ATXN2: variants seen among roughly 807,000 people sequenced by gnomAD.
ATXN2 encodes the protein ataxin 2.
ATXN2 carries 37 observed loss-of-function variants against 138.6 expected under a neutral mutation model. The ratio of observed to expected loss-of-function variants is 0.27; its 90% CI spans 0.21 to 0.35. The LOEUF (loss-of-function observed/expected upper bound fraction) is 0.35, where lower values mean the gene tolerates loss of function less well. ATXN2 is among the 10% of genes least tolerant of loss of function. ATXN2 has a pLI of 1.00. For synonymous variants in ATXN2, 549 were observed against 543.7 expected (o/e 1.01, Z -0.13); for missense variants, 1,216 against 1,480.3 (o/e 0.82, Z 2.93).
Position 111,461,795 on chromosome 12 carries a change from C to T in ATXN2, c.2896+2867G>A, listed in dbSNP as rs558241075. On this transcript the variant is annotated intron_variant, in intron 21 of 24. Coordinates refer to ENST00000673436, the MANE Select transcript of ATXN2 (RefSeq NM_001372574.1). ...AAAATTAGCTGGGTGTGGCAGCAGG[C>T]GCCTGTAATCCCAGCTACTCTGGAA... Among the ~76,000 whole-genome samples the T allele has an allele frequency of 1.1e-3, 163 of 151,886 alleles. 1 individual carries two copies. The highest frequency in any genetic ancestry group is 3.7e-3 in the African/African-American group (154 of 41,438).
chr12:111,580,260 C>T (rs771616321), intron 1 of ATXN2, among the ~76,000 whole-genome samples: 15 of 151,952 alleles, frequency 9.9e-5, no homozygotes, highest in Non-Finnish European at 1.9e-4. Context: ...GCAAGAGTTT[C>T]ACTTGAGCCC....
At chr12:111,459,856 C>G (rs1351345678) in intron 21 of ATXN2, among the ~76,000 whole-genome samples, 3 of 150,622 alleles carry the variant, frequency 2.0e-5, no homozygotes, top group Non-Finnish European at 4.4e-5. Context: ...CTGCTTCAGC[C>G]TCTGAGTAGC....
chr12:111,518,990 C>G (rs1880007809), intron 8 of ATXN2, among the ~76,000 whole-genome samples: 1 of 152,104 alleles, frequency 6.6e-6, no homozygotes, highest in South Asian at 2.1e-4. Flanking sequence ...AAATGAAAGA[C>G]CCACAAGCCC....
At position 111,510,594 on chromosome 12, in the gene ATXN2, G is replaced by A. The variant is rs1229321067; in HGVS notation, c.1559-12C>T. On this transcript the variant is annotated splice_polypyrimidine_tract_variant and intron_variant, in intron 11 of 24. Transcript: ENST00000673436. ...GGATAATCTTGGAACTAGAAGAAAG[G>A]GAAAATGTATTTATTACATTCTCAG... 1.9e-6 allele frequency: 3 copies of A among 1,587,128 alleles called. No individual in the cohort carries two copies. Among genetic ancestry groups the A allele is most frequent in the African/African-American group, 2.7e-5 (2 of 74,020 alleles).
intron 1 of ATXN2, among the ~76,000 whole-genome samples, chr12:111,592,874 TA>T (rs111981578): frequency 0.1 from 14,712 of 140,694 alleles, 2,466 homozygotes; most frequent in African/African-American, 0.35. Flanking sequence ...TTGAAATAGC[TA>T]AAAAAAAAAA....
chr12:111,598,991 TGCTGC>T lies in ATXN2; in HGVS notation c.39_43del (p.Gln14AlafsTer74). The stretch of plus-strand genomic sequence containing the variant: ...CTGCTGCTGCTGTTGCTGCTGCTGC[TGCTGC>T]TGCTGCTGCTGCTGCTGCTGCTGGG... On this transcript the variant is annotated frameshift_variant, in exon 1 of 25. Transcript: ENST00000673436. LOFTEE classifies it high-confidence loss of function. This position sits in a 1 kb window ranked among gnomAD's most constrained non-coding sequence, Gnocchi z 4.5. 2.0e-6 allele frequency: 3 copies of T among 1,472,474 alleles called. No homozygotes were observed. The highest frequency in any genetic ancestry group is 9.0e-7 in the Non-Finnish European group (1 of 1,114,394). 91.2% of individuals were successfully genotyped at this position (1,472,474 alleles called of 1,614,324 possible).
At chr12:111,581,977 C>G (rs2135831545) in intron 1 of ATXN2, among the ~76,000 whole-genome samples, 1 of 152,034 alleles carries the variant, frequency 6.6e-6, no homozygotes, top group African/African-American at 2.4e-5. Context: ...CAGAGCCATT[C>G]CAACTCCAAA....
intron 18 of ATXN2, among the ~76,000 whole-genome samples, chr12:111,476,956 A>G (rs1474601755): frequency 6.6e-6 from 1 of 152,212 alleles, no homozygotes; most frequent in Non-Finnish European, 1.5e-5. Context: ...TAACAGCAAT[A>G]AAGAGAGAAT....
At chr12:111,501,054 T>C (rs909023633) in intron 14 of ATXN2, among the ~76,000 whole-genome samples, 1 of 152,114 alleles carries the variant, frequency 6.6e-6, no homozygotes, top group African/African-American at 2.4e-5. Context: ...ATGATGGTGA[T>C]GGATACCCCA....
chr12:111,592,600 T>C (rs1884724587), intron 1 of ATXN2, among the ~76,000 whole-genome samples: 1 of 151,342 alleles, frequency 6.6e-6, no homozygotes, highest in Non-Finnish European at 1.5e-5. Flanking sequence ...CTAGCCAACA[T>C]GGTGAAACCC....
At chr12:111,506,427 T>A (rs1028279530) in intron 14 of ATXN2, among the ~76,000 whole-genome samples, 2 of 152,236 alleles carry the variant, frequency 1.3e-5, no homozygotes, top group African/African-American at 4.8e-5. Flanking sequence ...TATTTATATA[T>A]GTAAATTATA....
At chr12:111,489,184 C>T (rs1475070637) in intron 14 of ATXN2, among the ~76,000 whole-genome samples, 1 of 146,384 alleles carries the variant, frequency 6.8e-6, no homozygotes, top group Non-Finnish European at 1.5e-5. Context: ...AAAGGTTTCT[C>T]AGTAAAGTGT....
chr12:111,597,922 TC>T, intron 1 of ATXN2: 1 of 1,268,870 alleles, frequency 7.9e-7, no homozygotes, highest in Non-Finnish European at 1.0e-6. Flanking sequence ...CCACCGATGT[TC>T]CACAGGCGCC....
intron 23 of ATXN2, chr12:111,454,931 G>A (rs567907738): frequency 3.1e-4 from 207 of 659,800 alleles, no homozygotes; most frequent in South Asian, 2.6e-3. Context: ...GGACCAAACC[G>A]GCTTCCCTCC....
At chr12:111,518,483 A>T (rs1395158577) in intron 8 of ATXN2, 56 bp from the exon 9 acceptor site, 1 of 1,509,424 alleles carries the variant, frequency 6.6e-7, no homozygotes, top group Non-Finnish European at 9.0e-7. Flanking sequence ...AAGCCAATGA[A>T]ACATATCTAA....
At position 111,516,280 on chromosome 12, in the gene ATXN2, G is replaced by A. The variant is rs889126294; in HGVS notation, c.1249C>T (p.Arg417Trp). 7 of 1,573,812 alleles carry A rather than the reference G, an allele frequency of 4.4e-6. No homozygotes were observed. Among genetic ancestry groups the A allele is most frequent in the Non-Finnish European group, 6.0e-6 (7 of 1,165,554 alleles). ...YQSGPNSLPP[R>W]AATPTRPPSR... ...GGCGGCCGTGTAGGGGTGGCTGCCC[G>A]AGGTGGAAGAGAGTTGGGACCTGAC... Residue 417 changes from arginine to tryptophan, a missense_variant, in exon 10 of 25, where the codon CGG (arginine) becomes TGG (tryptophan). Arg to Trp is a moderately radical substitution (Grantham distance 101). Transcript: ENST00000673436. This position sits in a 1 kb window ranked among gnomAD's most constrained non-coding sequence, Gnocchi z 5.0.
chr12:111,489,803 G>A (rs978404670), intron 14 of ATXN2, among the ~76,000 whole-genome samples: 2 of 152,028 alleles, frequency 1.3e-5, no homozygotes, highest in Non-Finnish European at 1.5e-5. Context: ...AAATAAAGAA[G>A]TAAAGAAAAG....
intron 8 of ATXN2, among the ~76,000 whole-genome samples, chr12:111,518,786 C>G (rs779141637): frequency 2.6e-5 from 4 of 152,062 alleles, no homozygotes; most frequent in Non-Finnish European, 5.9e-5. Context: ...ACTGGCTGTT[C>G]TTTGGTTTTT....
At chr12:111,476,649 C>T (rs998524892) in intron 18 of ATXN2, among the ~76,000 whole-genome samples, 1 of 152,062 alleles carries the variant, frequency 6.6e-6, no homozygotes, top group South Asian at 2.1e-4. Context: ...CTCACAACAG[C>T]ACAAAACAGA....
Sources: gnomAD v4.1 joint callset for allele counts (sites outside exome capture counted in the v4.1 genomes callset) on GRCh38, gnomAD v4.1.1 for gene constraint, Gnocchi (gnomAD v3.1) non-coding constraint, MANE v1.5 for transcripts, NCBI Gene and HGNC (gene_info 2026-07-23, HGNC 2026-07-21) for gene names.